Variants in TRIM2 observed in about 807,000 individuals in gnomAD.
TRIM2 encodes the protein tripartite motif containing 2.
In TRIM2, 20 loss-of-function variants were observed where a neutral mutation model predicts 75.2. That is an observed-to-expected ratio of 0.27 (90% CI 0.19 to 0.39). TRIM2 has a LOEUF of 0.39. TRIM2 is among the 10% of genes least tolerant of loss of function. TRIM2 has a pLI of 1.00. For synonymous variants in TRIM2, 373 were observed against 388.3 expected (o/e 0.96, Z 0.46); for missense variants, 660 against 990.8 (o/e 0.67, Z 4.48).
chr4:153,244,386 T>C lies in TRIM2; in HGVS notation c.31-25949T>C, dbSNP rs1368299202. Among the ~76,000 whole-genome samples the C allele has an allele frequency of 2.2e-4, 16 of 74,350 alleles. 1 individual carries two copies. The highest frequency in any genetic ancestry group is 1.3e-3 in the African/African-American group (13 of 9,928). The allele number at this position is 74,350 out of a possible 152,430, so 48.8% of individuals were successfully genotyped here. On this transcript the variant is annotated intron_variant, in intron 1 of 11. Transcript: ENST00000338700. ...TTCTTCTTCTTCTTCTTCTTCTTCT[T>C]CTTCTTCTTCTTCTTCTTCTTCTTC...
At position 153,321,369 on chromosome 4, in the gene TRIM2, C is replaced by T. The variant is rs572007607; in HGVS notation, c.1783-1279C>T. 4.5e-4 allele frequency among the ~76,000 whole-genome samples: 68 copies of T among 152,224 alleles called. 1 individual carries two copies. In the South Asian group the frequency reaches 0.012, roughly 26 times the overall value. ...TGAATGAGTGAAGCACTTCTTTATA[C>T]GTAGTCTAGAAAATTAAGCTATAGA... On this transcript the variant is annotated intron_variant, in intron 8 of 11. Transcript: ENST00000338700.
At chr4:153,205,320 C>G (rs1362883465) in intron 1 of TRIM2, among the ~76,000 whole-genome samples, 1 of 152,148 alleles carries the variant, frequency 6.6e-6, no homozygotes, top group Non-Finnish European at 1.5e-5. Context: ...TGGAAAACCA[C>G]TCAGGCACCG....
intron 1 of TRIM2, among the ~76,000 whole-genome samples, chr4:153,256,393 CA>C (rs1752090109): frequency 6.6e-6 from 1 of 152,186 alleles, no homozygotes; most frequent in African/African-American, 2.4e-5. Flanking sequence ...TTAATGTAAT[CA>C]AATATGCAGA....
intron 1 of TRIM2, among the ~76,000 whole-genome samples, chr4:153,171,279 CAA>C (rs1425622038): frequency 6.6e-6 from 1 of 152,194 alleles, no homozygotes; most frequent in East Asian, 1.9e-4. Flanking sequence ...TTTAACACAG[CAA>C]AGTTTCACTC....
At chr4:153,202,618 G>A (rs1309917101), upstream of TRIM2, among the ~76,000 whole-genome samples, 1 of 150,098 alleles carries the variant, frequency 6.7e-6, no homozygotes, top group Non-Finnish European at 1.5e-5. Context: ...AGAATGGCCT[G>A]AACCCGAGAG....
At chr4:153,193,945 C>T (rs1291149053) in intron 1 of TRIM2, among the ~76,000 whole-genome samples, 2 of 152,022 alleles carry the variant, frequency 1.3e-5, no homozygotes, top group Non-Finnish European at 2.9e-5. Flanking sequence ...GGATGCGGGG[C>T]CCCCAGGATA....
At chr4:153,282,863 A>G (rs887899867) in intron 3 of TRIM2, among the ~76,000 whole-genome samples, 1 of 151,974 alleles carries the variant, frequency 6.6e-6, no homozygotes, top group African/African-American at 2.4e-5. Flanking sequence ...ATCATGGCTC[A>G]TGGCAGCCTC....
chr4:153,315,508 G>A lies in TRIM2; in HGVS notation c.1534G>A (p.Glu512Lys). Residue 512 changes from glutamate to lysine, a missense_variant, in exon 7 of 12, where the codon GAG becomes AAG. This residue lies in a region of TRIM2 where 620 missense variants were observed against 891.0 expected (regional missense o/e 0.70). Coordinates refer to ENST00000338700, the MANE Select transcript of TRIM2 (RefSeq NM_015271.5). ...RVGTKGRNKG[E>K]FTNLQGVAAS... The stretch of plus-strand genomic sequence containing the variant: ...AGGTACCAAAGGAAGAAATAAAGGA[G>A]AGTTTACAAATCTTCAGGGGGTAGC... 1 of 1,605,826 alleles carries A rather than the reference G, an allele frequency of 6.2e-7. No individual in the cohort carries two copies.
At chr4:153,213,868 C>A (rs142715465) in intron 1 of TRIM2, among the ~76,000 whole-genome samples, 128 of 152,180 alleles carry the variant, frequency 8.4e-4, no homozygotes, top group African/African-American at 2.9e-3. Flanking sequence ...ATCTTTGTAA[C>A]AAACCTACTA....
chr4:153,228,047 G>A (rs1326703509), intron 1 of TRIM2, among the ~76,000 whole-genome samples: 2 of 152,146 alleles, frequency 1.3e-5, no homozygotes, highest in Non-Finnish European at 2.9e-5. Context: ...CCTCTTATGC[G>A]AAGTAAACAT....
At chr4:153,264,578 T>C (rs909039999) in intron 1 of TRIM2, among the ~76,000 whole-genome samples, 10 of 152,228 alleles carry the variant, frequency 6.6e-5, no homozygotes, top group African/African-American at 2.4e-4. Context: ...AAAGCATGTA[T>C]ATAAAACATT....
chr4:153,298,512 G>A (rs544184753), intron 6 of TRIM2, among the ~76,000 whole-genome samples: 1 of 152,030 alleles, frequency 6.6e-6, no homozygotes, highest in African/African-American at 2.4e-5. Flanking sequence ...ACTGAATTAG[G>A]GCCCCGCTTT....
intron 1 of TRIM2, among the ~76,000 whole-genome samples, chr4:153,179,515 C>T (rs937425273): frequency 1.3e-5 from 2 of 152,104 alleles, no homozygotes; most frequent in Non-Finnish European, 2.9e-5. Flanking sequence ...AAGTAGGAGC[C>T]TCCCTTGGAA....
At chr4:153,286,772 C>A (rs1004646389) in intron 3 of TRIM2, among the ~76,000 whole-genome samples, 1 of 149,932 alleles carries the variant, frequency 6.7e-6, no homozygotes, top group African/African-American at 2.5e-5. Flanking sequence ...CGCACCCCCC[C>A]ACCATCTCAC....
At chr4:153,201,869 G>A (rs1340877856), upstream of TRIM2, among the ~76,000 whole-genome samples, 1 of 152,072 alleles carries the variant, frequency 6.6e-6, no homozygotes, top group Non-Finnish European at 1.5e-5. Context: ...AACTTTCTAG[G>A]TTAATTGAGA....
At chr4:153,321,916 T>C (rs966646067) in intron 8 of TRIM2, among the ~76,000 whole-genome samples, 5 of 152,184 alleles carry the variant, frequency 3.3e-5, no homozygotes, top group African/African-American at 9.6e-5. Context: ...TTTTTTAATG[T>C]ATAAGGAATC....
At chr4:153,258,175 A>G (rs1030040372) in intron 1 of TRIM2, among the ~76,000 whole-genome samples, 2 of 152,100 alleles carry the variant, frequency 1.3e-5, no homozygotes, top group African/African-American at 2.4e-5. Flanking sequence ...TCTGTCCTCT[A>G]TTAGAGAATC....
intron 6 of TRIM2, among the ~76,000 whole-genome samples, chr4:153,299,425 T>C: frequency 6.6e-6 from 1 of 152,180 alleles, no homozygotes; most frequent in East Asian, 1.9e-4. Context: ...TATTCATTTG[T>C]TGATGGACAC....
intron 3 of TRIM2, among the ~76,000 whole-genome samples, chr4:153,279,818 C>T (rs188877326): frequency 6.4e-4 from 98 of 152,146 alleles, no homozygotes; most frequent in African/African-American, 2.1e-3. Flanking sequence ...TGGCACATGA[C>T]TGTAGTCGCA....
Sources: allele counts gnomAD v4.1 joint callset (sites outside exome capture counted in the v4.1 genomes callset), GRCh38; gene constraint gnomAD v4.1.1; regional missense constraint gnomAD v4.1.1; transcripts MANE v1.5; gene names NCBI Gene and HGNC (gene_info 2026-07-23, HGNC 2026-07-21).